The following DCBLD1 variants were observed in gnomAD, a reference collection of about 807,000 sequenced individuals.
The protein encoded by DCBLD1 is discoidin, CUB and LCCL domain-containing protein 1.
Under a neutral mutation model 71.5 loss-of-function variants are expected in DCBLD1, and 57 were observed. The ratio of observed to expected loss-of-function variants is 0.80; its 90% confidence interval spans 0.64 to 0.99. DCBLD1 has a LOEUF of 0.99. Among genes scored for constraint, DCBLD1 ranks in the 50% least tolerant of loss-of-function variants. The pLI, the probability that DCBLD1 is intolerant of heterozygous loss-of-function variation, is 0.00. For missense variants in DCBLD1, 891 were observed against 923.5 expected, an observed-to-expected ratio of 0.96 and a Z score of 0.46; for synonymous variants, 380 against 363.8, an observed-to-expected ratio of 1.04 and a Z score of -0.51.
intron 14 of DCBLD1, chr6:117,563,335 G>A: frequency 1.2e-6 from 2 of 1,612,832 alleles, no homozygotes; most frequent in Non-Finnish European, 1.7e-6. Flanking sequence ...CACTTGCAGT[G>A]CCCAGGTCTC....
At chr6:117,555,764 T>A (rs142948385) in intron 14 of DCBLD1, among the ~76,000 whole-genome samples, 109 of 152,240 alleles carry the variant, frequency 7.2e-4, no homozygotes, top group African/African-American at 1.9e-3. Context: ...AAGCCAAGGG[T>A]CCATCAAACC....
intron 14 of DCBLD1, among the ~76,000 whole-genome samples, chr6:117,566,244 A>G (rs968361613): frequency 3.3e-5 from 5 of 152,192 alleles, no homozygotes; most frequent in Non-Finnish European, 7.4e-5. Context: ...ATGTCTTAGT[A>G]TTATTATGAA....
intron 2 of DCBLD1, among the ~76,000 whole-genome samples, chr6:117,519,184 A>G (rs1717082305): frequency 6.6e-6 from 1 of 152,134 alleles, no homozygotes; most frequent in Admixed American, 6.5e-5. Context: ...TGAGATCCCT[A>G]TTGCTTTTCA....
rs1481543934 is a variant in DCBLD1, at chr6:117,543,216, G to A, written c.1445+5G>A. 2 of 1,613,226 alleles carry A rather than the reference G, an allele frequency of 1.2e-6. No individual in the cohort carries two copies. The highest frequency in any genetic ancestry group is 2.2e-5 in the South Asian group (2 of 91,044). ...GATCTTTGCAGCCTTTAGAAAGTATGGTGACTTTACATGTTTAAATTTCTT... is the reference window on the plus strand; with the variant it reads ...GATCTTTGCAGCCTTTAGAAAGTATAGTGACTTTACATGTTTAAATTTCTT... On this transcript the variant is annotated splice_donor_5th_base_variant and intron_variant, in intron 12 of 14. Transcript: ENST00000338728.
At chr6:117,495,191 C>CAG (rs1052776713) in intron 1 of DCBLD1, among the ~76,000 whole-genome samples, 1 of 151,978 alleles carries the variant, frequency 6.6e-6, no homozygotes, top group African/African-American at 2.4e-5. Context: ...GATTAAAGCA[C>CAG]ACACACACAG....
At chr6:117,554,300 A>G (rs538746623), downstream of DCBLD1, among the ~76,000 whole-genome samples, 4 of 152,344 alleles carry the variant, frequency 2.6e-5, no homozygotes, top group Admixed American at 2.0e-4. Flanking sequence ...CTCCCACCTT[A>G]GCATGATGCT....
chr6:117,540,481 A>T (rs1779053161), intron 9 of DCBLD1, 187 bp from the exon 10 acceptor site: 1 of 614,788 alleles, frequency 1.6e-6, no homozygotes, highest in East Asian at 2.8e-5. Flanking sequence ...GTTGAGCAGC[A>T]CCACCTTAGT....
chr6:117,534,514 C>G (rs766643985), intron 6 of DCBLD1, among the ~76,000 whole-genome samples: 9 of 152,152 alleles, frequency 5.9e-5, no homozygotes, highest in Non-Finnish European at 1.2e-4. Flanking sequence ...GCTACCACCT[C>G]CAAACAGGGA....
At chr6:117,494,883 C>A (rs1167286990) in intron 1 of DCBLD1, 1 of 152,156 alleles carries the variant, frequency 6.6e-6, no homozygotes, top group Non-Finnish European at 1.5e-5. Context: ...TCTCACAGAG[C>A]ACTACTCCCA....
intron 14 of DCBLD1, among the ~76,000 whole-genome samples, chr6:117,565,824 TTA>T (rs1779684872): frequency 6.6e-6 from 1 of 152,184 alleles, no homozygotes; most frequent in Non-Finnish European, 1.5e-5. Flanking sequence ...CCATACTTTG[TTA>T]GTCATTCATT....
chr6:117,517,368 C>G (rs1778234902), intron 2 of DCBLD1, among the ~76,000 whole-genome samples: 1 of 152,220 alleles, frequency 6.6e-6, no homozygotes, highest in South Asian at 2.1e-4. Context: ...CAGCTCCACC[C>G]CTGTGGCTTT....
At chr6:117,547,287 T>C (rs1562125990) in intron 14 of DCBLD1, among the ~76,000 whole-genome samples, 1 of 152,220 alleles carries the variant, frequency 6.6e-6, no homozygotes, top group African/African-American at 2.4e-5. Flanking sequence ...CCCCATTGTG[T>C]GACCTAGGAA....
At chr6:117,520,784 A>G (rs2114489925) in intron 3 of DCBLD1, among the ~76,000 whole-genome samples, 1 of 152,308 alleles carries the variant, frequency 6.6e-6, no homozygotes, top group Non-Finnish European at 1.5e-5. Context: ...CTCTGGCAGA[A>G]AAGCTCTGGG....
At chr6:117,488,277 A>G (rs142449080) in intron 1 of DCBLD1, among the ~76,000 whole-genome samples, 1 of 152,316 alleles carries the variant, frequency 6.6e-6, no homozygotes, top group East Asian at 1.9e-4. Flanking sequence ...GGAGGATAAT[A>G]TTCATGTTAT....
intron 14 of DCBLD1, among the ~76,000 whole-genome samples, chr6:117,569,093 A>G (rs1431734795): frequency 6.6e-6 from 1 of 152,218 alleles, no homozygotes; most frequent in Non-Finnish European, 1.5e-5. Context: ...ATCGCTAAGA[A>G]CTTTAGTTTA....
intron 5 of DCBLD1, among the ~76,000 whole-genome samples, chr6:117,531,645 T>TCATC (rs1342582106): frequency 6.6e-6 from 1 of 152,214 alleles, no homozygotes; most frequent in African/African-American, 2.4e-5. Flanking sequence ...GAGTTGCTCA[T>TCATC]CATCCCTCTA....
At chr6:117,555,310 C>T (rs1338537098) in intron 14 of DCBLD1, among the ~76,000 whole-genome samples, 1 of 151,998 alleles carries the variant, frequency 6.6e-6, no homozygotes, top group East Asian at 1.9e-4. Flanking sequence ...GCATTTACTC[C>T]CTTTTTTCAT....
chr6:117,532,176 T>C (rs1044809595), intron 5 of DCBLD1, 84 bp from the exon 6 acceptor site: 1 of 1,514,642 alleles, frequency 6.6e-7, no homozygotes, highest in Non-Finnish European at 8.8e-7. Context: ...TACTATAAAT[T>C]ACCACAGAAA....
rs1018510691 is a variant in DCBLD1, at chr6:117,548,525, T to C, written c.*86T>C. 5.2e-6 allele frequency: 8 copies of C among 1,525,860 alleles called. No homozygotes were observed. The highest frequency in any genetic ancestry group is 2.8e-5 in the African/African-American group (2 of 72,652). The allele number at this position is 1,525,860 out of a possible 1,614,324, so 94.5% of individuals were successfully genotyped here. A position where few individuals can be genotyped will look rare whatever the true frequency, so the allele number is the denominator to read the frequency against. ...GAAGGGAGCCTGCTGGTCCAGAGTG[T>C]GCGTGTGTATCGGTGTGTGTGTACA... On this transcript the variant is annotated 3_prime_UTR_variant, in exon 15 of 15. Transcript: ENST00000338728.
Sources: allele counts gnomAD v4.1 joint callset (sites outside exome capture counted in the v4.1 genomes callset), GRCh38; gene constraint gnomAD v4.1.1; transcripts MANE v1.5; gene names NCBI Gene and HGNC (gene_info 2026-07-23, HGNC 2026-07-21).